TBCD: variants seen among roughly 807,000 people sequenced by gnomAD.
The protein encoded by TBCD is tubulin folding cofactor D, also known as tubulin-specific chaperone D.
Under a neutral mutation model 169.3 loss-of-function variants are expected in TBCD, and 105 were observed. The ratio of observed to expected loss-of-function variants is 0.62; its 90% CI spans 0.53 to 0.73. The LOEUF (loss-of-function observed/expected upper bound fraction) is 0.73, where lower values mean the gene tolerates loss of function less well. Among genes scored for constraint, TBCD ranks in the 30% least tolerant of loss-of-function variants. The probability of loss-of-function intolerance (pLI) is 0.00; values close to 1 mark genes in which losing one functional copy is unlikely to be tolerated. For synonymous variants in TBCD, 700 were observed against 643.9 expected (o/e 1.09, Z -1.32); for missense variants, 1,444 against 1,600.1 (o/e 0.90, Z 1.66).
At chr17:82,804,297 G>A (rs576350777) in intron 9 of TBCD, among the ~76,000 whole-genome samples, 136 of 152,154 alleles carry the variant, frequency 8.9e-4, no homozygotes, top group Non-Finnish European at 1.6e-3. Context: ...AGTGTACCCC[G>A]AAATTTAGCA....
intron 15 of TBCD, among the ~76,000 whole-genome samples, chr17:82,887,158 T>C (rs1174117592): frequency 3.2e-4 from 35 of 108,144 alleles, no homozygotes; most frequent in African/African-American, 1.1e-3. Context: ...TGTGTGTGTG[T>C]GTGTGTGTGT....
chr17:82,937,204 C>A, intron 34 of TBCD, 67 bp from the exon 35 acceptor site: 1 of 1,465,148 alleles, frequency 6.8e-7, no homozygotes, highest in Non-Finnish European at 9.5e-7. Context: ...TTCTTTGAGA[C>A]AGAAAAAGTG....
At position 82,915,318 on chromosome 17, in the gene TBCD, A is replaced by G. The variant is rs2060952620; in HGVS notation, c.2038+3529A>G. On this transcript the variant is annotated intron_variant, in intron 23 of 38. Coordinates refer to ENST00000355528, the MANE Select transcript of TBCD (RefSeq NM_005993.5). The surrounding 1 kb of genome is among the most constrained non-coding windows in gnomAD (Gnocchi z 4.3). ...ACGTTTTTTGCACATTTTGTGGGAA[A>G]AGTGGCTCAACCCTTGGGAGTCGTC... Among the ~76,000 whole-genome samples the G allele has an allele frequency of 6.6e-6, 1 of 152,190 alleles. No individual in the cohort carries two copies.
At position 82,923,234 on chromosome 17, in the gene TBCD, G is replaced by A. The variant is rs543242511; in HGVS notation, c.2179-418G>A. Among the ~76,000 whole-genome samples the A allele has an allele frequency of 1.3e-5, 2 of 152,360 alleles. No homozygotes were observed. Among genetic ancestry groups the A allele is most frequent in the South Asian group, 4.1e-4 (2 of 4,824 alleles). On this transcript the variant is annotated intron_variant, in intron 25 of 38. Coordinates refer to ENST00000355528, the MANE Select transcript of TBCD (RefSeq NM_005993.5). The surrounding 1 kb of genome is among the most constrained non-coding windows in gnomAD (Gnocchi z 4.6). ...TGTTCCATATTAGAAGACAGACATT[G>A]TGGAAGGAATAATCAGGTTATCCAT...
At chr17:82,866,698 C>T (rs143331693) in intron 13 of TBCD, among the ~76,000 whole-genome samples, 1 of 144,868 alleles carries the variant, frequency 6.9e-6, no homozygotes, top group Non-Finnish European at 1.5e-5. Flanking sequence ...TGGGCAGAGG[C>T]CCCAGAGGCC....
At chr17:82,823,537 C>T (rs2052582545) in intron 13 of TBCD, among the ~76,000 whole-genome samples, 1 of 152,046 alleles carries the variant, frequency 6.6e-6, no homozygotes, top group Non-Finnish European at 1.5e-5. Flanking sequence ...GCTCTCCCTC[C>T]CTCCCTCCCT....
chr17:82,938,035 G>A lies in TBCD; in HGVS notation c.3282-14G>A. On this transcript the variant is annotated splice_polypyrimidine_tract_variant and intron_variant, in intron 35 of 38. Coordinates refer to ENST00000355528, the MANE Select transcript of TBCD (RefSeq NM_005993.5). The stretch of plus-strand genomic sequence containing the variant: ...GGGTGGGGCTCACCTGGAGCCATGT[G>A]CTGCTCCCGGCAGGTTCTGCGAGAT... The A allele has an allele frequency of 6.2e-7, 1 of 1,612,780 alleles. No individual in the cohort carries two copies. Among genetic ancestry groups the A allele is most frequent in the Non-Finnish European group, 8.5e-7 (1 of 1,179,684 alleles).
chr17:82,923,523 CT>C lies in TBCD; in HGVS notation c.2179-128del. The C allele has an allele frequency of 1.3e-6, 1 of 756,660 alleles. No individual in the cohort carries two copies. The highest frequency in any genetic ancestry group is 2.2e-6 in the Non-Finnish European group (1 of 458,680). The allele number at this position is 756,660 out of a possible 1,614,324, so 46.9% of individuals were successfully genotyped here. On this transcript the variant is annotated intron_variant, in intron 25 of 38. Transcript: ENST00000355528. This position sits in a 1 kb window ranked among gnomAD's most constrained non-coding sequence, Gnocchi z 4.6. ...GGTCCCTGGTCAGGCAGGGGCTGCT[CT>C]GACCTCAGGGTGACCACGGTGTCCC...
At chr17:82,875,130 T>C (rs2057875089) in intron 14 of TBCD, among the ~76,000 whole-genome samples, 1 of 152,256 alleles carries the variant, frequency 6.6e-6, no homozygotes. Context: ...TTTTGCCTCA[T>C]GGTGTGAATT....
chr17:82,852,599 A>G (rs1438616969), intron 13 of TBCD, among the ~76,000 whole-genome samples: 1 of 152,088 alleles, frequency 6.6e-6, no homozygotes, highest in Non-Finnish European at 1.5e-5. Context: ...TGGTCATAGC[A>G]GATCCGGGCC....
chr17:82,761,339 A>T (rs1249552767), intron 2 of TBCD, among the ~76,000 whole-genome samples: 1 of 152,238 alleles, frequency 6.6e-6, no homozygotes, highest in Non-Finnish European at 1.5e-5. Flanking sequence ...ATCCACGATT[A>T]TAAATTTTTA....
chr17:82,854,984 G>A (rs1269727153), intron 13 of TBCD, among the ~76,000 whole-genome samples: 1 of 152,114 alleles, frequency 6.6e-6, no homozygotes, highest in African/African-American at 2.4e-5. Context: ...GTGCTCTTGG[G>A]AGTGAGGATT....
At chr17:82,761,744 C>A (rs1180365823) in intron 2 of TBCD, among the ~76,000 whole-genome samples, 24 of 149,110 alleles carry the variant, frequency 1.6e-4, no homozygotes, top group Admixed American at 1.6e-3. Flanking sequence ...GAGATGGAGT[C>A]TTGGTCTGTT....
chr17:82,900,534 G>A lies in TBCD; in HGVS notation c.1650-117G>A, dbSNP rs761076762. ...CAGGAGGGAATGGCTGGATCACGTG[G>A]TAGATTTGAAGAAATGGGCAAACTG... On this transcript the variant is annotated intron_variant, in intron 17 of 38. Transcript: ENST00000355528. The A allele has an allele frequency of 8.6e-4, 665 of 769,572 alleles. 6 individuals carry two copies. The highest frequency in any genetic ancestry group is 2.5e-3 in the Admixed American group (119 of 48,036). 47.7% of individuals were successfully genotyped at this position (769,572 alleles called of 1,614,324 possible). A position where few individuals can be genotyped will look rare whatever the true frequency, so the allele number is the denominator to read the frequency against.
rs139486335 is a variant in TBCD, at chr17:82,909,446, G to A, written c.2006+139G>A. The A allele has an allele frequency of 3.1e-4, 170 of 556,608 alleles. 1 individual carries two copies. The highest frequency in any genetic ancestry group is 1.7e-3 in the South Asian group (67 of 39,880). 34.5% of individuals were successfully genotyped at this position (556,608 alleles called of 1,614,324 possible). A position where few individuals can be genotyped will look rare whatever the true frequency, so the allele number is the denominator to read the frequency against. On this transcript the variant is annotated intron_variant, in intron 22 of 38. Transcript: ENST00000355528. ...TGAGCGGGTGGGTGTCACCCGGCCC[G>A]CTGTGGGAGGCGCATGAGGGTCTGA...
chr17:82,928,050 G>C, intron 30 of TBCD, 62 bp downstream of exon 30: 1 of 1,485,908 alleles, frequency 6.7e-7, no homozygotes, highest in Non-Finnish European at 9.3e-7. Flanking sequence ...GGGGAGGCTG[G>C]CGGGGCGGGC....
chr17:82,925,698 C>T (rs1485138320), intron 27 of TBCD, among the ~76,000 whole-genome samples: 1 of 152,168 alleles, frequency 6.6e-6, no homozygotes, highest in South Asian at 2.1e-4. Context: ...CTCGCAGCCG[C>T]CATGCCATCT....
At chr17:82,893,188 C>G (rs2059263782) in intron 16 of TBCD, 1 of 263,682 alleles carries the variant, frequency 3.8e-6, no homozygotes, top group Admixed American at 5.1e-5. Flanking sequence ...GGGGCTCAGG[C>G]CGATGGAGGT....
chr17:82,912,935 C>T (rs117410093), intron 23 of TBCD: 1,793 of 152,378 alleles, frequency 0.012, 16 homozygotes, highest in Non-Finnish European at 0.021. Context: ...TGTCAGCTGA[C>T]GTCAGAGGCA....
Sources: gnomAD v4.1 joint callset for allele counts (sites outside exome capture counted in the v4.1 genomes callset) on GRCh38, gnomAD v4.1.1 for gene constraint, Gnocchi (gnomAD v3.1) non-coding constraint, MANE v1.5 for transcripts, NCBI Gene and HGNC (gene_info 2026-07-23, HGNC 2026-07-21) for gene names.